The following TTC28 variants were observed in gnomAD, a reference collection of about 807,000 sequenced individuals.
The protein encoded by TTC28 is tetratricopeptide repeat protein 28.
In TTC28, 61 loss-of-function variants were observed where a neutral mutation model predicts 198.0. The ratio of observed to expected loss-of-function variants is 0.31; its 90% CI spans 0.25 to 0.38. TTC28 has a LOEUF of 0.38. TTC28 is among the 10% of genes least tolerant of loss of function. The pLI is 1.00. For synonymous variants in TTC28, 1,171 were observed against 1,297.8 expected (o/e 0.90, Z 2.10); for missense variants, 2,678 against 3,164.0 (o/e 0.85, Z 3.69).
At chr22:28,426,661 C>T (rs904865569) in intron 2 of TTC28, among the ~76,000 whole-genome samples, 1 of 152,164 alleles carries the variant, frequency 6.6e-6, no homozygotes, top group African/African-American at 2.4e-5. Context: ...CTGCTCTTTC[C>T]CCCTCAGTAT....
At chr22:28,076,618 C>T (rs1188007667) in intron 12 of TTC28, among the ~76,000 whole-genome samples, 1 of 152,028 alleles carries the variant, frequency 6.6e-6, no homozygotes. Context: ...ATTCTGTTGC[C>T]CAGGCTGGAG....
chr22:28,394,954 T>G (rs2046790932), intron 2 of TTC28, among the ~76,000 whole-genome samples: 1 of 152,116 alleles, frequency 6.6e-6, no homozygotes. Context: ...TACTATGACT[T>G]CTACTTGAAC....
At position 28,168,246 on chromosome 22, in the gene TTC28, C is replaced by T. The variant is rs147103848; in HGVS notation, c.934-4647G>A. Among the ~76,000 whole-genome samples the T allele has an allele frequency of 1.6e-3, 246 of 152,214 alleles. 2 individuals are homozygous for T. The East Asian group carries it at 0.026, about 16-fold the overall frequency. On this transcript the variant is annotated intron_variant, in intron 5 of 22. Coordinates refer to ENST00000397906, the MANE Select transcript of TTC28 (RefSeq NM_001145418.2). The stretch of plus-strand genomic sequence containing the variant: ...AATATCGTGAAAATGGCCATACTGC[C>T]CAAGGTAATTTATAGATTCAAGGCC...
chr22:28,521,228 A>AT (rs1161670387), intron 2 of TTC28, among the ~76,000 whole-genome samples: 1 of 151,570 alleles, frequency 6.6e-6, no homozygotes, highest in African/African-American at 2.4e-5. Context: ...GCAAGATCCT[A>AT]TCTCTACCAA....
At chr22:28,179,878 T>C (rs188489514) in intron 5 of TTC28, among the ~76,000 whole-genome samples, 1 of 152,352 alleles carries the variant, frequency 6.6e-6, no homozygotes, top group Non-Finnish European at 1.5e-5. Context: ...GTTGACACTA[T>C]CTAGTGATTC....
intron 6 of TTC28, among the ~76,000 whole-genome samples, chr22:28,141,501 C>T (rs771567692): frequency 7.9e-5 from 12 of 151,908 alleles, no homozygotes; most frequent in Non-Finnish European, 1.2e-4. Flanking sequence ...AGTAAGAAAG[C>T]GGATACATAT....
At chr22:28,362,337 C>T (rs1349113667) in intron 2 of TTC28, among the ~76,000 whole-genome samples, 1 of 152,164 alleles carries the variant, frequency 6.6e-6, no homozygotes, top group Non-Finnish European at 1.5e-5. Context: ...TAAGATGTGA[C>T]TTGCTCCTCC....
At chr22:28,639,617 G>A (rs1448540107) in intron 1 of TTC28, among the ~76,000 whole-genome samples, 1 of 152,088 alleles carries the variant, frequency 6.6e-6, no homozygotes, top group African/African-American at 2.4e-5. Flanking sequence ...AAGATCTGAC[G>A]GTTTTAAAAA....
chr22:28,415,352 C>CA (rs988898043), intron 2 of TTC28, among the ~76,000 whole-genome samples: 53 of 144,314 alleles, frequency 3.7e-4, no homozygotes, highest in East Asian at 1.0e-3. Context: ...TTTTAATAGA[C>CA]AAAAAAAAAA....
chr22:28,328,302 C>T (rs1035664904), intron 2 of TTC28, among the ~76,000 whole-genome samples: 16 of 151,962 alleles, frequency 1.1e-4, no homozygotes, highest in Admixed American at 9.8e-4. Context: ...AATAGCCGGT[C>T]ATGGTAGTGT....
intron 21 of TTC28, chr22:27,986,420 A>G (rs1033993968): frequency 6.6e-6 from 1 of 152,228 alleles, no homozygotes; most frequent in Admixed American, 6.5e-5. Context: ...TCTTTATACC[A>G]ATGTAAGAAC....
intron 2 of TTC28, among the ~76,000 whole-genome samples, chr22:28,531,235 C>A (rs912380635): frequency 9.2e-5 from 14 of 152,002 alleles, no homozygotes; most frequent in Non-Finnish European, 1.6e-4. Context: ...AAATGGAAAA[C>A]AACAAAAAGC....
intron 22 of TTC28, among the ~76,000 whole-genome samples, chr22:27,984,782 T>C (rs118839): frequency 0.54 from 82,296 of 152,118 alleles, 22,580 homozygotes; most frequent in East Asian, 0.66. Context: ...TTCAGCAGAC[T>C]CCGTTGGTTC....
At chr22:28,132,731 CGACTGTACCAA>C (rs1943089045) in intron 6 of TTC28, among the ~76,000 whole-genome samples, 1 of 152,142 alleles carries the variant, frequency 6.6e-6, no homozygotes, top group Non-Finnish European at 1.5e-5. Flanking sequence ...TCAGCAAATA[CGACTGTACCAA>C]GTAGTGTAGT....
At chr22:28,013,626 G>C (rs1012517261) in intron 14 of TTC28, among the ~76,000 whole-genome samples, 1 of 152,212 alleles carries the variant, frequency 6.6e-6, no homozygotes, top group Non-Finnish European at 1.5e-5. Flanking sequence ...CATAGCCCTG[G>C]CTCGAAGTTG....
chr22:28,431,793 C>T (rs1049902428), intron 2 of TTC28, among the ~76,000 whole-genome samples: 1 of 151,960 alleles, frequency 6.6e-6, no homozygotes, highest in Non-Finnish European at 1.5e-5. Flanking sequence ...GCCTGGCTAA[C>T]ATGGTGAGAC....
intron 2 of TTC28, among the ~76,000 whole-genome samples, chr22:28,396,401 T>G (rs2146086359): frequency 6.6e-6 from 1 of 152,322 alleles, no homozygotes; most frequent in East Asian, 1.9e-4. Context: ...ATAGCTCAAC[T>G]TGTAAAGGTT....
Position 28,101,782 on chromosome 22 carries a change from TAAAAAAAAAAAAAA to T in TTC28, c.3308-516_3308-503del, listed in dbSNP as rs11459818. On this transcript the variant is annotated intron_variant, in intron 8 of 22. Transcript: ENST00000397906. Reference sequence around the variant, plus strand: ...GCAACTTAGTGAGACCCATCTCTGTTAAAAAAAAAAAAAAAAAAAAAAAAAAAAAAGAATACTAA... The same window carrying T: ...GCAACTTAGTGAGACCCATCTCTGTTAAAAAAAAAAAAAAAAGAATACTAA... Among the ~76,000 whole-genome samples, 291 of 53,186 alleles carry T rather than the reference TAAAAAAAAAAAAAA, an allele frequency of 5.5e-3. 3 individuals carry two copies. Among genetic ancestry groups the T allele is most frequent in the Admixed American group, 8.4e-3 (32 of 3,816 alleles). 34.9% of individuals were successfully genotyped at this position (53,186 alleles called of 152,430 possible). A position where few individuals can be genotyped will look rare whatever the true frequency, so the allele number is the denominator to read the frequency against.
At chr22:28,581,958 T>C (rs1001461111) in intron 2 of TTC28, among the ~76,000 whole-genome samples, 3 of 152,194 alleles carry the variant, frequency 2.0e-5, no homozygotes, top group African/African-American at 4.8e-5. Context: ...TTGGAACACT[T>C]TGGCAAGCAC....
Sources: allele counts gnomAD v4.1 joint callset (sites outside exome capture counted in the v4.1 genomes callset), GRCh38; gene constraint gnomAD v4.1.1; transcripts MANE v1.5; gene names NCBI Gene and HGNC (gene_info 2026-07-23, HGNC 2026-07-21).